SMARCA2: variants seen among roughly 807,000 people sequenced by gnomAD.
The protein encoded by SMARCA2 is SWI/SNF related BAF chromatin remodeling complex subunit ATPase 2.
In SMARCA2, 61 loss-of-function variants were observed where a neutral mutation model predicts 199.8. The ratio of observed to expected loss-of-function variants is 0.31; its 90% CI spans 0.25 to 0.38. The LOEUF is 0.38. Among genes scored for constraint, SMARCA2 ranks in the 10% least tolerant of loss-of-function variants. The pLI is 1.00. For missense variants in SMARCA2, 1,344 were observed against 2,012.2 expected (o/e 0.67, Z 6.35); for synonymous variants, 935 against 732.0 (o/e 1.28, Z -4.48).
At chr9:2,168,486 C>T (rs1299543916) in intron 28 of SMARCA2, among the ~76,000 whole-genome samples, 2 of 152,154 alleles carry the variant, frequency 1.3e-5, no homozygotes, top group South Asian at 2.1e-4. Context: ...GCCCATTCTC[C>T]AGAAGGGCAG....
At chr9:2,058,595 A>C (rs1820454958) in intron 8 of SMARCA2, 131 bp downstream of exon 8, 1 of 750,692 alleles carries the variant, frequency 1.3e-6, no homozygotes, top group Non-Finnish European at 2.2e-6. Context: ...AATTTCTTTG[A>C]ACCTTAGGGA....
intron 27 of SMARCA2, among the ~76,000 whole-genome samples, chr9:2,157,367 G>A (rs1825421035): frequency 6.6e-6 from 1 of 152,080 alleles, no homozygotes; most frequent in Non-Finnish European, 1.5e-5. Flanking sequence ...ATAATGTAGT[G>A]GTCTTAACCT....
chr9:2,169,196 C>T lies in SMARCA2; in HGVS notation c.4200-1223C>T, dbSNP rs1045000836. ...CTCCTCACCCCCTGTCTTCCTGAGG[C>T]CCTTGCACTGCTGGCCTGGCCTGGC... On this transcript the variant is annotated intron_variant, in intron 28 of 33. Transcript: ENST00000349721. The surrounding 1 kb of genome is among the most constrained non-coding windows in gnomAD (Gnocchi z 6.5). Among the ~76,000 whole-genome samples, 1 of 152,198 alleles carries T rather than the reference C, an allele frequency of 6.6e-6. No homozygotes were observed. Among genetic ancestry groups the T allele is most frequent in the Non-Finnish European group, 1.5e-5 (1 of 68,038 alleles).
At chr9:2,124,017 G>A (rs1456045250) in intron 27 of SMARCA2, 80 bp downstream of exon 27, 2 of 1,141,870 alleles carry the variant, frequency 1.8e-6, no homozygotes, top group East Asian at 2.6e-5. Context: ...CTAGAGCTGG[G>A]ATTTTCTGAG....
At chr9:2,089,971 A>G (rs1341988237) in intron 19 of SMARCA2, among the ~76,000 whole-genome samples, 2 of 152,174 alleles carry the variant, frequency 1.3e-5, no homozygotes, top group African/African-American at 4.8e-5. Flanking sequence ...ATTCCATAAG[A>G]CTTCTTAATC....
chr9:2,130,446 T>C (rs943245978), intron 27 of SMARCA2, among the ~76,000 whole-genome samples: 1 of 152,214 alleles, frequency 6.6e-6, no homozygotes, highest in Non-Finnish European at 1.5e-5. Flanking sequence ...CACTACCCTA[T>C]TTTGGAAGTC....
intron 25 of SMARCA2, 63 bp downstream of exon 25, chr9:2,116,112 G>C: frequency 8.0e-7 from 1 of 1,242,908 alleles, no homozygotes; most frequent in South Asian, 1.3e-5. Context: ...GAAGGACTCA[G>C]AATAATCCCT....
chr9:2,158,789 T>G (rs934874940), intron 27 of SMARCA2: 1 of 540,764 alleles, frequency 1.8e-6, no homozygotes, highest in Non-Finnish European at 3.1e-6. Context: ...GGAGTAATCT[T>G]ACTCTACTCT....
chr9:2,180,777 T>A (rs910250685), intron 29 of SMARCA2, among the ~76,000 whole-genome samples: 4 of 152,198 alleles, frequency 2.6e-5, no homozygotes, highest in Admixed American at 2.0e-4. Flanking sequence ...AGCCTGTGTT[T>A]GAAAATTACA....
rs189303841 is a variant in SMARCA2 at position 2,108,229 on chromosome 9, A to C, written c.3293-2025A>C. Among the ~76,000 whole-genome samples, 20 of 152,318 alleles carry C rather than the reference A, an allele frequency of 1.3e-4. 1 individual carries two copies. The East Asian group carries it at 3.7e-3, about 28-fold the overall frequency. ...GGTTTGAACTGGACAGAGCTGGCCA[A>C]AGTTCCTGAAAAACAACTGAAGTAA... On this transcript the variant is annotated intron_variant, in intron 23 of 33. Coordinates refer to ENST00000349721, the MANE Select transcript of SMARCA2 (RefSeq NM_003070.5).
Position 2,145,304 on chromosome 9 carries a change from CAAAA to C in SMARCA2, c.3982-16360_3982-16357del, listed in dbSNP as rs56314428. On this transcript the variant is annotated intron_variant, in intron 27 of 33. Transcript: ENST00000349721. ...GGTGACAGAGTGAAGACTCTTGTCT[CAAAA>C]AAAAAAAAAAAAAAAAAAAAAGAGA... Among the ~76,000 whole-genome samples the C allele has an allele frequency of 2.0e-4, 26 of 132,360 alleles. No homozygotes were observed. The South Asian group carries it at 2.2e-3, about 11-fold the overall frequency. The allele number at this position is 132,360 out of a possible 152,430, so 86.8% of individuals were successfully genotyped here. A position where few individuals can be genotyped will look rare whatever the true frequency, so the allele number is the denominator to read the frequency against.
Position 2,169,070 on chromosome 9 carries a change from G to A in SMARCA2, c.4200-1349G>A, listed in dbSNP as rs1826094477. 6.6e-6 allele frequency among the ~76,000 whole-genome samples: 1 copy of A among 152,182 alleles called. No individual in the cohort carries two copies. Among genetic ancestry groups the A allele is most frequent in the African/African-American group, 2.4e-5 (1 of 41,444 alleles). On this transcript the variant is annotated intron_variant, in intron 28 of 33. Transcript: ENST00000349721. The surrounding 1 kb of genome is among the most constrained non-coding windows in gnomAD (Gnocchi z 6.5). ...CCATCATTAGCCCAAGGTCCTAAAA[G>A]TGAAATAATGAAGACTTTCCCAATT...
At chr9:2,084,789 GT>G (rs1407055481) in intron 17 of SMARCA2, among the ~76,000 whole-genome samples, 2 of 152,106 alleles carry the variant, frequency 1.3e-5, no homozygotes, top group Non-Finnish European at 2.9e-5. Flanking sequence ...AGAAAGAGGT[GT>G]TTCTGTGACT....
chr9:2,051,325 A>G (rs1820108346), intron 5 of SMARCA2, among the ~76,000 whole-genome samples: 1 of 152,124 alleles, frequency 6.6e-6, no homozygotes, highest in African/African-American at 2.4e-5. Context: ...TGTGCCAGGG[A>G]ATCAGATTCA....
At chr9:2,145,208 C>T (rs1473752159) in intron 27 of SMARCA2, among the ~76,000 whole-genome samples, 1 of 150,100 alleles carries the variant, frequency 6.7e-6, no homozygotes, top group East Asian at 1.9e-4. Flanking sequence ...GAGGCTGAGG[C>T]AAGAGAATCA....
intron 27 of SMARCA2, among the ~76,000 whole-genome samples, chr9:2,151,180 G>A (rs757595062): frequency 4.6e-5 from 7 of 151,496 alleles, no homozygotes; most frequent in Non-Finnish European, 1.0e-4. Flanking sequence ...ATCTGGTGGT[G>A]ATTTGTTAGC....
At chr9:2,153,684 T>C (rs1825194117) in intron 27 of SMARCA2, among the ~76,000 whole-genome samples, 1 of 152,192 alleles carries the variant, frequency 6.6e-6, no homozygotes, top group Non-Finnish European at 1.5e-5. Flanking sequence ...TCTACATGTA[T>C]GAGTTTTTAA....
intron 4 of SMARCA2, chr9:2,042,098 A>G (rs1819633024): frequency 6.6e-6 from 1 of 152,246 alleles, no homozygotes; most frequent in Non-Finnish European, 1.5e-5. Context: ...CAAGCATTGT[A>G]CTTCTGTGTG....
chr9:2,090,469 G>A (rs796342532), intron 19 of SMARCA2, among the ~76,000 whole-genome samples: 33 of 152,232 alleles, frequency 2.2e-4, no homozygotes, highest in African/African-American at 6.7e-4. Flanking sequence ...CTTACTATGT[G>A]AACTTGGGCA....
Sources: allele counts gnomAD v4.1 joint callset (sites outside exome capture counted in the v4.1 genomes callset), GRCh38; gene constraint gnomAD v4.1.1; non-coding constraint Gnocchi (gnomAD v3.1); transcripts MANE v1.5; gene names NCBI Gene and HGNC (gene_info 2026-07-23, HGNC 2026-07-21).